The following ADK variants were observed in gnomAD, a reference collection of about 807,000 sequenced individuals.
ADK encodes adenosine kinase.
ADK carries 24 observed loss-of-function variants against 44.7 expected under a neutral mutation model. The observed-to-expected ratio is 0.54, with a 90% CI of 0.39 to 0.76. The LOEUF is 0.76. Ranked by LOEUF, ADK falls within the 30% of genes least tolerant of loss-of-function variation. The pLI, the probability that ADK is intolerant of heterozygous loss-of-function variation, is 0.00. For missense variants in ADK, 321 were observed against 425.1 expected (o/e 0.76, Z 2.15); for synonymous variants, 128 against 142.6 (o/e 0.90, Z 0.73).
intron 1 of ADK, among the ~76,000 whole-genome samples, chr10:74,190,042 G>A (rs1454422075): frequency 6.6e-6 from 1 of 152,056 alleles, no homozygotes; most frequent in Admixed American, 6.5e-5. Flanking sequence ...TATGAATAAT[G>A]GTGCTATAAA....
intron 9 of ADK, among the ~76,000 whole-genome samples, chr10:74,632,291 C>T (rs185038148): frequency 6.3e-4 from 96 of 152,260 alleles, no homozygotes; most frequent in African/African-American, 2.2e-3. Context: ...CAGTTTTTTA[C>T]TTCTTTTTAT....
At chr10:74,265,137 A>G (rs1846167906) in intron 3 of ADK, among the ~76,000 whole-genome samples, 1 of 152,096 alleles carries the variant, frequency 6.6e-6, no homozygotes. Flanking sequence ...AACAGTGATA[A>G]TTTAGGTCCA....
At chr10:74,448,936 C>T (rs1458290973) in intron 6 of ADK, among the ~76,000 whole-genome samples, 7 of 151,668 alleles carry the variant, frequency 4.6e-5, no homozygotes, top group African/African-American at 1.7e-4. Context: ...ACATTCTTTC[C>T]AAATGTATTA....
intron 10 of ADK, among the ~76,000 whole-genome samples, chr10:74,679,566 T>G (rs929092099): frequency 2.0e-5 from 3 of 152,002 alleles, no homozygotes; most frequent in Non-Finnish European, 4.4e-5. Flanking sequence ...TTCTACAAAA[T>G]TATTTGGCCT....
intron 7 of ADK, among the ~76,000 whole-genome samples, chr10:74,568,139 G>T (rs1284181873): frequency 6.6e-6 from 1 of 151,900 alleles, no homozygotes; most frequent in African/African-American, 2.4e-5. Flanking sequence ...TTATGAGGTG[G>T]GTGTTGCTGG....
chr10:74,181,668 A>G (rs566573681), intron 1 of ADK, among the ~76,000 whole-genome samples: 5 of 152,288 alleles, frequency 3.3e-5, no homozygotes, highest in Non-Finnish European at 5.9e-5. Context: ...GAAATGTCCT[A>G]CTTAGACCTA....
chr10:74,374,389 T>C (rs1395636007), intron 4 of ADK, among the ~76,000 whole-genome samples: 1 of 152,178 alleles, frequency 6.6e-6, no homozygotes, highest in African/African-American at 2.4e-5. Flanking sequence ...GATACATTAA[T>C]CATTTGCCAG....
chr10:74,681,381 C>T (rs1472439647), intron 10 of ADK, among the ~76,000 whole-genome samples: 1 of 152,082 alleles, frequency 6.6e-6, no homozygotes. Flanking sequence ...CATGATGTCA[C>T]GTAGGAAAAC....
chr10:74,194,720 C>A (rs184695334), intron 1 of ADK, among the ~76,000 whole-genome samples: 1 of 152,056 alleles, frequency 6.6e-6, no homozygotes, highest in Admixed American at 6.6e-5. Flanking sequence ...GTACAGGAAG[C>A]GTTTGATAAA....
chr10:74,654,785 C>T (rs1854415791), intron 9 of ADK, among the ~76,000 whole-genome samples: 1 of 151,194 alleles, frequency 6.6e-6, no homozygotes, highest in Non-Finnish European at 1.5e-5. Flanking sequence ...CACTGCACTC[C>T]AGCCTGGGTG....
At chr10:74,189,914 C>T (rs1376129862) in intron 1 of ADK, among the ~76,000 whole-genome samples, 6 of 151,838 alleles carry the variant, frequency 4.0e-5, no homozygotes, top group African/African-American at 7.3e-5. Flanking sequence ...CATGTTGTAG[C>T]GTGTATCAGT....
chr10:74,392,535 T>C (rs908715065), intron 4 of ADK, among the ~76,000 whole-genome samples: 1 of 152,206 alleles, frequency 6.6e-6, no homozygotes, highest in Admixed American at 6.6e-5. Flanking sequence ...TTTAGAAGTT[T>C]GTTATATATT....
chr10:74,173,628 A>G (rs188308416), intron 1 of ADK, among the ~76,000 whole-genome samples: 1,723 of 150,644 alleles, frequency 0.011, 17 homozygotes, highest in Non-Finnish European at 0.018. Context: ...ATGGGGTTTC[A>G]CCATATTGGC....
chr10:74,592,601 T>G (rs1200004322), intron 8 of ADK, among the ~76,000 whole-genome samples: 1 of 152,134 alleles, frequency 6.6e-6, no homozygotes, highest in Non-Finnish European at 1.5e-5. Flanking sequence ...ATTTTAGATC[T>G]CTAAGAATAA....
intron 7 of ADK, among the ~76,000 whole-genome samples, chr10:74,581,257 AAAAG>A (rs1851365283): frequency 1.3e-5 from 2 of 152,312 alleles, no homozygotes; most frequent in Non-Finnish European, 2.9e-5. Flanking sequence ...GAAATGTAAA[AAAAG>A]ACCTAATTTC....
At position 74,689,249 on chromosome 10, in the gene ADK, AAAAT is replaced by A. The variant is rs751466168; in HGVS notation, c.964+19003_964+19006del. Among the ~76,000 whole-genome samples the A allele has an allele frequency of 2.7e-4, 41 of 151,984 alleles. 1 individual carries two copies. In the South Asian group the frequency reaches 2.7e-3, roughly 10 times the overall value. On this transcript the variant is annotated intron_variant, in intron 10 of 10. Coordinates refer to ENST00000539909, the MANE Select transcript of ADK (RefSeq NM_006721.4). ...GGGTGGCAGAGCAAGACTCTATCTC[AAAAT>A]AAATAAATAAATAAATAAATAATAA...
chr10:74,439,503 G>A lies in ADK; in HGVS notation c.555+40924G>A, dbSNP rs984904162. 4.6e-5 allele frequency among the ~76,000 whole-genome samples: 7 copies of A among 152,178 alleles called. No homozygotes were observed. The South Asian group carries it at 1.0e-3, about 23-fold the overall frequency. On this transcript the variant is annotated intron_variant, in intron 6 of 10. Coordinates refer to ENST00000539909, the MANE Select transcript of ADK (RefSeq NM_006721.4). Reference sequence around the variant, plus strand: ...AGTAGATAAAGTGCCTAGAGCAGCCGACCATTATTCTGGGTTATCATGATA... The same window carrying A: ...AGTAGATAAAGTGCCTAGAGCAGCCAACCATTATTCTGGGTTATCATGATA...
At chr10:74,162,245 T>G (rs1841922093) in intron 1 of ADK, among the ~76,000 whole-genome samples, 1 of 151,958 alleles carries the variant, frequency 6.6e-6, no homozygotes, top group Admixed American at 6.6e-5. Flanking sequence ...GGTCTCGAAC[T>G]CCAGACCTTG....
At chr10:74,381,120 T>C (rs1842965423) in intron 4 of ADK, among the ~76,000 whole-genome samples, 1 of 152,204 alleles carries the variant, frequency 6.6e-6, no homozygotes, top group Non-Finnish European at 1.5e-5. Context: ...TTGTTCTTTG[T>C]CAAGTTAAAA....
Sources: gnomAD v4.1 joint callset for allele counts (sites outside exome capture counted in the v4.1 genomes callset) on GRCh38, gnomAD v4.1.1 for gene constraint, MANE v1.5 for transcripts, NCBI Gene and HGNC (gene_info 2026-07-23, HGNC 2026-07-21) for gene names.